PEPD: variants seen among roughly 807,000 people sequenced by gnomAD.
PEPD encodes the protein peptidase D, also known as xaa-Pro dipeptidase.
A neutral mutation model predicts 60.7 loss-of-function variants in PEPD; 53 were observed. That is an observed-to-expected ratio of 0.87 (90% CI 0.70 to 1.10). The LOEUF is 1.10. Ranked by LOEUF, PEPD falls within the 50% of genes least tolerant of loss-of-function variation. The pLI is 0.00. For missense variants in PEPD, 711 were observed against 711.9 expected (o/e 1.00, Z 0.01); for synonymous variants, 267 against 284.1 (o/e 0.94, Z 0.60).
chr19:33,456,833 T>C (rs917974447), intron 9 of PEPD, among the ~76,000 whole-genome samples: 70 of 151,902 alleles, frequency 4.6e-4, no homozygotes, highest in African/African-American at 1.7e-3. Flanking sequence ...ATGCCCACAT[T>C]TGTCCAGGCT....
At chr19:33,516,327 A>C (rs1259614193) in intron 1 of PEPD, among the ~76,000 whole-genome samples, 1 of 152,184 alleles carries the variant, frequency 6.6e-6, no homozygotes, top group Non-Finnish European at 1.5e-5. Flanking sequence ...CCAGAATTTA[A>C]AAGGCAAAAG....
chr19:33,430,931 T>C (rs1321695862), intron 9 of PEPD, among the ~76,000 whole-genome samples: 1 of 152,102 alleles, frequency 6.6e-6, no homozygotes, highest in Non-Finnish European at 1.5e-5. Flanking sequence ...CCACAGTGTA[T>C]CTCTGTTTTG....
At chr19:33,491,414 C>T (rs1390887776) in intron 5 of PEPD, among the ~76,000 whole-genome samples, 1 of 152,226 alleles carries the variant, frequency 6.6e-6, no homozygotes, top group Non-Finnish European at 1.5e-5. Flanking sequence ...CGCTCCACTG[C>T]ACTCTAGCCG....
intron 1 of PEPD, among the ~76,000 whole-genome samples, chr19:33,516,039 C>T (rs1028024173): frequency 6.6e-6 from 1 of 152,074 alleles, no homozygotes; most frequent in Non-Finnish European, 1.5e-5. Flanking sequence ...CATGGGGCTC[C>T]GCCAGAACAG....
In PEPD at chr19:33,491,099, A is replaced by T. The variant is rs114303502; in HGVS notation, c.442-1042T>A. ...AAGTTTCCCTTATAGCCATCAAGAC[A>T]GTAAAGCAAAAAAAAGGGGCCAAGT... is the stretch of plus-strand genomic sequence containing the variant. On this transcript the variant is annotated intron_variant, in intron 5 of 14. Coordinates refer to ENST00000244137, the MANE Select transcript of PEPD (RefSeq NM_000285.4). 3.8e-3 allele frequency among the ~76,000 whole-genome samples: 585 copies of T among 152,324 alleles called. 2 individuals carry two copies. The highest frequency in any genetic ancestry group is 0.014 in the African/African-American group (567 of 41,564).
chr19:33,422,880 C>A (rs1181259040), intron 9 of PEPD, among the ~76,000 whole-genome samples: 1 of 149,506 alleles, frequency 6.7e-6, no homozygotes, highest in Non-Finnish European at 1.5e-5. Context: ...ATCCACCCAT[C>A]CATCTATTCC....
chr19:33,516,140 C>T (rs1971018649), intron 1 of PEPD, among the ~76,000 whole-genome samples: 1 of 151,976 alleles, frequency 6.6e-6, no homozygotes, highest in Non-Finnish European at 1.5e-5. Flanking sequence ...TACAGGACAC[C>T]AAGTAATAAA....
At chr19:33,417,319 G>A (rs1265415159) in intron 9 of PEPD, among the ~76,000 whole-genome samples, 1 of 152,196 alleles carries the variant, frequency 6.6e-6, no homozygotes, top group East Asian at 1.9e-4. Context: ...GAGTGAAAAT[G>A]CGCAGAGCTG....
intron 7 of PEPD, among the ~76,000 whole-genome samples, chr19:33,472,615 G>C (rs1406096616): frequency 6.6e-6 from 1 of 152,176 alleles, no homozygotes; most frequent in Non-Finnish European, 1.5e-5. Context: ...ACAAGTCACA[G>C]CACTGCCTCT....
chr19:33,407,265 C>T (rs748417432), intron 11 of PEPD, among the ~76,000 whole-genome samples: 18 of 152,228 alleles, frequency 1.2e-4, no homozygotes, highest in South Asian at 2.1e-4. Context: ...GGACCTGGGG[C>T]GGCCTCAGGC....
At chr19:33,401,641 G>A (rs1968492321) in intron 12 of PEPD, 80 bp downstream of exon 12, 15 of 1,330,992 alleles carry the variant, frequency 1.1e-5, no homozygotes, top group Non-Finnish European at 1.5e-5. Context: ...ATGCAGACCC[G>A]TTCCCTGCAG....
At chr19:33,413,230 G>A (rs892002410) in intron 10 of PEPD, among the ~76,000 whole-genome samples, 6 of 152,218 alleles carry the variant, frequency 3.9e-5, no homozygotes, top group African/African-American at 1.2e-4. Context: ...CTCACAGCCC[G>A]GTCCCCACAT....
chr19:33,428,222 G>C (rs1322665826), intron 9 of PEPD, among the ~76,000 whole-genome samples: 1 of 152,206 alleles, frequency 6.6e-6, no homozygotes, highest in Non-Finnish European at 1.5e-5. Flanking sequence ...CTTGGAGGAT[G>C]CAGAAGAGGG....
chr19:33,488,162 G>A (rs1970431935), intron 6 of PEPD, among the ~76,000 whole-genome samples: 1 of 152,134 alleles, frequency 6.6e-6, no homozygotes, highest in Non-Finnish European at 1.5e-5. Flanking sequence ...TGGGAAACTG[G>A]GAATTGGTGA....
chr19:33,488,962 C>T (rs1315825506), intron 6 of PEPD, among the ~76,000 whole-genome samples: 2 of 152,038 alleles, frequency 1.3e-5, no homozygotes, highest in African/African-American at 4.8e-5. Flanking sequence ...GCAGCAGCCT[C>T]GAGCGCAGGG....
intron 9 of PEPD, among the ~76,000 whole-genome samples, chr19:33,445,059 C>T (rs919735604): frequency 6.6e-6 from 1 of 152,188 alleles, no homozygotes; most frequent in Non-Finnish European, 1.5e-5. Flanking sequence ...CCTGCCTCCC[C>T]CTTTAGCCCA....
At chr19:33,512,530 T>C (rs937172945) in intron 2 of PEPD, 63 bp downstream of exon 2, 119 of 1,537,170 alleles carry the variant, frequency 7.7e-5, no homozygotes, top group Non-Finnish European at 9.6e-5. Context: ...GGCCTCCAAC[T>C]CCTGCTCAGG....
chr19:33,404,124 G>A (rs1482335619), intron 11 of PEPD, among the ~76,000 whole-genome samples: 1 of 152,180 alleles, frequency 6.6e-6, no homozygotes, highest in Non-Finnish European at 1.5e-5. Context: ...CAACCTTCAC[G>A]GCCTCAGTTT....
In PEPD at chr19:33,401,711, C is replaced by T. The variant is rs372949783; in HGVS notation, c.967+10G>A. ...TCAGATGCGCCTCCCCCCACCGACC[C>T]GCTGCTCACCTGGCTTCATGGCACC... On this transcript the variant is annotated intron_variant, in intron 12 of 14. Transcript: ENST00000244137. 62 of 1,603,596 alleles carry T rather than the reference C, an allele frequency of 3.9e-5. No homozygotes were observed. Among genetic ancestry groups the T allele is most frequent in the African/African-American group, 1.7e-4 (13 of 74,742 alleles).
Sources: allele counts gnomAD v4.1 joint callset (sites outside exome capture counted in the v4.1 genomes callset), GRCh38; gene constraint gnomAD v4.1.1; transcripts MANE v1.5; gene names NCBI Gene and HGNC (gene_info 2026-07-23, HGNC 2026-07-21).